INPP4B: variants seen among roughly 807,000 people sequenced by gnomAD.
INPP4B encodes the protein inositol polyphosphate 4-phosphatase type II.
A neutral mutation model predicts 122.5 loss-of-function variants in INPP4B; 55 were observed. That is an observed-to-expected ratio of 0.45 (90% confidence interval 0.36 to 0.56). INPP4B has a LOEUF of 0.56. INPP4B is among the 20% of genes least tolerant of loss of function. The pLI is 0.00. For missense variants in INPP4B, 1,000 were observed against 1,097.7 expected (o/e 0.91, Z 1.26); for synonymous variants, 403 against 388.7 (o/e 1.04, Z -0.43).
intron 2 of INPP4B, among the ~76,000 whole-genome samples, chr4:142,477,952 A>G (rs432590): frequency 6.6e-6 from 1 of 152,104 alleles, no homozygotes; most frequent in African/African-American, 2.4e-5. Context: ...ACAAGTATGC[A>G]CCACCACACC....
intron 7 of INPP4B, among the ~76,000 whole-genome samples, chr4:142,380,873 C>T (rs1369182896): frequency 6.6e-6 from 1 of 151,984 alleles, no homozygotes; most frequent in East Asian, 1.9e-4. Context: ...AAACATCCTG[C>T]TTTTCCCAAT....
At chr4:142,308,882 TGTCCAAAA>T (rs1764412062) in intron 8 of INPP4B, among the ~76,000 whole-genome samples, 1 of 152,154 alleles carries the variant, frequency 6.6e-6, no homozygotes, top group South Asian at 2.1e-4. Flanking sequence ...TCAGTTATTC[TGTCCAAAA>T]ATGAAAATCT....
intron 1 of INPP4B, among the ~76,000 whole-genome samples, chr4:142,786,294 C>A (rs141560725): frequency 1.1e-4 from 16 of 152,160 alleles, no homozygotes; most frequent in African/African-American, 3.9e-4. Flanking sequence ...ATTGATGGGA[C>A]TATACCAAAG....
chr4:142,834,542 G>C (rs758753512), intron 1 of INPP4B, among the ~76,000 whole-genome samples: 2 of 152,048 alleles, frequency 1.3e-5, no homozygotes, highest in Non-Finnish European at 2.9e-5. Flanking sequence ...TAAAACTAGA[G>C]GTCCTTGAGG....
intron 2 of INPP4B, among the ~76,000 whole-genome samples, chr4:142,526,026 T>C (rs1320301622): frequency 2.6e-5 from 4 of 152,082 alleles, no homozygotes. Flanking sequence ...CTGGCACGAT[T>C]TCATGTAACA....
At chr4:142,566,425 A>G (rs1731636344) in intron 2 of INPP4B, among the ~76,000 whole-genome samples, 1 of 152,180 alleles carries the variant, frequency 6.6e-6, no homozygotes, top group African/African-American at 2.4e-5. Flanking sequence ...CTTATTTACT[A>G]AACAGGGCAC....
intron 2 of INPP4B, among the ~76,000 whole-genome samples, chr4:142,588,995 A>G (rs1116690): frequency 0.65 from 98,861 of 151,808 alleles, 33,938 homozygotes; most frequent in East Asian, 0.81. Flanking sequence ...AAAAGAGTAG[A>G]AAAAAAATGG....
intron 1 of INPP4B, among the ~76,000 whole-genome samples, chr4:142,761,902 G>T (rs1771396266): frequency 6.6e-6 from 1 of 152,084 alleles, no homozygotes; most frequent in African/African-American, 2.4e-5. Context: ...ATACAGCAGG[G>T]CCAGCTGTGT....
chr4:142,161,481 G>C (rs925121264), intron 16 of INPP4B, among the ~76,000 whole-genome samples: 2 of 151,792 alleles, frequency 1.3e-5, no homozygotes, highest in Non-Finnish European at 2.9e-5. Context: ...TCTTAGGAAG[G>C]GACCCTTTAA....
intron 25 of INPP4B, among the ~76,000 whole-genome samples, chr4:142,080,543 C>T (rs1485643305): frequency 6.6e-6 from 1 of 152,064 alleles, no homozygotes; most frequent in Non-Finnish European, 1.5e-5. Context: ...ATCACAAATG[C>T]TATATCATGA....
At chr4:142,264,750 G>A (rs576393552) in intron 10 of INPP4B, among the ~76,000 whole-genome samples, 1 of 152,252 alleles carries the variant, frequency 6.6e-6, no homozygotes, top group Non-Finnish European at 1.5e-5. Context: ...GTACTGTTAT[G>A]GACTGAACTG....
chr4:142,448,329 CAAAAAAAAAA>C (rs71586289), intron 3 of INPP4B, among the ~76,000 whole-genome samples: 2 of 61,990 alleles, frequency 3.2e-5, no homozygotes, highest in East Asian at 5.0e-4. Context: ...TATCCATCTC[CAAAAAAAAAA>C]AAAAAAAAAA....
intron 2 of INPP4B, among the ~76,000 whole-genome samples, chr4:142,489,015 C>T (rs1821528221): frequency 1.3e-5 from 2 of 152,126 alleles, no homozygotes; most frequent in African/African-American, 2.4e-5. Context: ...TTCCCAAACA[C>T]TTTTCTAGCT....
intron 8 of INPP4B, among the ~76,000 whole-genome samples, chr4:142,307,407 A>C (rs1021391342): frequency 1.3e-5 from 2 of 152,192 alleles, no homozygotes; most frequent in African/African-American, 4.8e-5. Flanking sequence ...ATAATTGAGA[A>C]TTGAAGCTCT....
intron 20 of INPP4B, among the ~76,000 whole-genome samples, chr4:142,123,027 A>G (rs747014294): frequency 2.0e-5 from 3 of 152,106 alleles, no homozygotes; most frequent in Non-Finnish European, 4.4e-5. Context: ...CATTGCAACT[A>G]TGTTGGCACA....
intron 7 of INPP4B, chr4:142,383,833 T>G: frequency 4.4e-6 from 2 of 455,894 alleles, no homozygotes; most frequent in Non-Finnish European, 3.9e-6. Flanking sequence ...GACCTTGACT[T>G]TATTTATGAT....
chr4:142,743,557 TG>T (rs1768211922), intron 1 of INPP4B, among the ~76,000 whole-genome samples: 1 of 151,784 alleles, frequency 6.6e-6, no homozygotes, highest in Admixed American at 6.6e-5. Context: ...GCAGTGACAG[TG>T]GATATTGGAG....
Position 142,202,859 on chromosome 4 carries a change from T to G in INPP4B, c.1072+5566A>C, listed in dbSNP as rs570132840. 9.0e-4 allele frequency: 659 copies of G among 729,980 alleles called. 2 individuals carry two copies. Among genetic ancestry groups the G allele is most frequent in the Non-Finnish European group, 1.1e-3 (637 of 596,910 alleles). 45.2% of individuals were successfully genotyped at this position (729,980 alleles called of 1,614,324 possible). ...GCAAACTAAGGGCAAGCCCATTCATTCCCTGTGGGCTCAAATCAGGAACTG... is the reference window on the plus strand; with the variant it reads ...GCAAACTAAGGGCAAGCCCATTCATGCCCTGTGGGCTCAAATCAGGAACTG... On this transcript the variant is annotated intron_variant, in intron 14 of 25. Coordinates refer to ENST00000262992, the MANE Select transcript of INPP4B (RefSeq NM_001101669.3).
rs185952719 is a variant in INPP4B at position 142,767,149 on chromosome 4, G to A, written c.-253-41248C>T. Reference sequence around the variant, plus strand: ...TCCAATGTGAGATTTTAAAAATGGAGCTTTTGAAAGTGGGAAGTTACAATA... The same window carrying A: ...TCCAATGTGAGATTTTAAAAATGGAACTTTTGAAAGTGGGAAGTTACAATA... On this transcript the variant is annotated intron_variant, in intron 1 of 25. Transcript: ENST00000262992. 8.5e-5 allele frequency among the ~76,000 whole-genome samples: 13 copies of A among 152,238 alleles called. No individual in the cohort carries two copies. The South Asian group carries it at 2.5e-3, about 29-fold the overall frequency.
Sources: gnomAD v4.1 joint callset for allele counts (sites outside exome capture counted in the v4.1 genomes callset) on GRCh38, gnomAD v4.1.1 for gene constraint, MANE v1.5 for transcripts, NCBI Gene and HGNC (gene_info 2026-07-23, HGNC 2026-07-21) for gene names.